RNF130: variants seen among roughly 807,000 people sequenced by gnomAD.
RNF130 encodes ring finger protein 130, also known as E3 ubiquitin-protein ligase RNF130.
In RNF130, 21 loss-of-function variants were observed where a neutral mutation model predicts 44.6. That is an observed-to-expected ratio of 0.47 (90% confidence interval 0.33 to 0.68). The LOEUF (loss-of-function observed/expected upper bound fraction) is 0.68, where lower values mean the gene tolerates loss of function less well. Among genes scored for constraint, RNF130 ranks in the 30% least tolerant of loss-of-function variants. RNF130 has a pLI of 0.02. For missense variants in RNF130, 479 were observed against 560.6 expected, an observed-to-expected ratio of 0.85 and a Z score of 1.47; for synonymous variants, 214 against 210.4, an observed-to-expected ratio of 1.02 and a Z score of -0.15.
chr5:179,959,811 C>T (rs1232987872), intron 8 of RNF130, among the ~76,000 whole-genome samples: 1 of 152,152 alleles, frequency 6.6e-6, no homozygotes, highest in Non-Finnish European at 1.5e-5. Flanking sequence ...TCCTGATCTC[C>T]GGTCATGCCA....
intron 1 of RNF130, among the ~76,000 whole-genome samples, chr5:180,045,112 G>A (rs148355889): frequency 1.4e-4 from 22 of 152,298 alleles, no homozygotes; most frequent in African/African-American, 5.1e-4. Flanking sequence ...AAGACGATAT[G>A]TAACAGAGCC....
At chr5:179,948,185 A>C (rs1412449117) in intron 7 of RNF130, among the ~76,000 whole-genome samples, 2 of 152,242 alleles carry the variant, frequency 1.3e-5, no homozygotes, top group African/African-American at 4.8e-5. Context: ...ACAGAAAACC[A>C]ACTATATCTT....
chr5:180,013,492 A>C (rs1223429484), intron 2 of RNF130, among the ~76,000 whole-genome samples, 181 bp from the exon 3 acceptor site: 1 of 152,212 alleles, frequency 6.6e-6, no homozygotes, highest in East Asian at 1.9e-4. Flanking sequence ...AGGAACATGT[A>C]ATTTGTTGTG....
In RNF130 at chr5:179,963,893, G is replaced by A. The variant is rs191956000; in HGVS notation, c.1151-329C>T. On this transcript the variant is annotated intron_variant, in intron 7 of 8. Coordinates refer to ENST00000521389, the MANE Select transcript of RNF130 (RefSeq NM_018434.6). ...CACAAGGACATAGATTTTTTTCATT[G>A]TTAATGTAAATGACAGTAAAGTAGA... 18 of 282,736 alleles carry A rather than the reference G, an allele frequency of 6.4e-5. No individual in the cohort carries two copies. In the East Asian group the frequency reaches 7.9e-4, roughly 12 times the overall value. The allele number at this position is 282,736 out of a possible 1,614,324, so 17.5% of individuals were successfully genotyped here.
intron 3 of RNF130, among the ~76,000 whole-genome samples, chr5:180,009,571 C>T (rs1188210969): frequency 6.6e-6 from 1 of 152,176 alleles, no homozygotes; most frequent in Admixed American, 6.5e-5. Context: ...GATGAAAACA[C>T]CAAGTGCTGT....
chr5:179,947,377 C>T (rs1762057577), intron 7 of RNF130, among the ~76,000 whole-genome samples: 1 of 152,194 alleles, frequency 6.6e-6, no homozygotes, highest in African/African-American at 2.4e-5. Flanking sequence ...TGTCCTAAAT[C>T]AAGCCCAGCA....
chr5:179,948,680 A>AAG (rs761069535), intron 7 of RNF130, among the ~76,000 whole-genome samples: 1 of 152,088 alleles, frequency 6.6e-6, no homozygotes, highest in Non-Finnish European at 1.5e-5. Flanking sequence ...GTCTCAAAAA[A>AAG]AGAGAGAGAG....
At chr5:180,019,244 C>T (rs1001753721) in intron 2 of RNF130, among the ~76,000 whole-genome samples, 2 of 151,896 alleles carry the variant, frequency 1.3e-5, no homozygotes, top group African/African-American at 4.8e-5. Flanking sequence ...ATTAGCCGGG[C>T]GTGGTGGCGG....
At chr5:180,060,873 T>C (rs1484498660) in intron 1 of RNF130, among the ~76,000 whole-genome samples, 1 of 151,832 alleles carries the variant, frequency 6.6e-6, no homozygotes, top group African/African-American at 2.4e-5. Context: ...ATCGAGACCA[T>C]CCTGGCTAAC....
At chr5:180,002,162 G>A (rs1763360275) in intron 3 of RNF130, among the ~76,000 whole-genome samples, 1 of 152,212 alleles carries the variant, frequency 6.6e-6, no homozygotes, top group South Asian at 2.1e-4. Flanking sequence ...TGGGAGGCGT[G>A]GCGCTGCTTC....
intron 7 of RNF130, among the ~76,000 whole-genome samples, chr5:179,932,479 C>G (rs1003684238): frequency 2.0e-5 from 3 of 151,138 alleles, no homozygotes; most frequent in Non-Finnish European, 4.4e-5. Context: ...AGGCTGGTCT[C>G]AAACTCCTGA....
intron 1 of RNF130, 77 bp from the exon 2 acceptor site, chr5:180,040,724 T>C: frequency 7.4e-7 from 1 of 1,352,126 alleles, no homozygotes; most frequent in Non-Finnish European, 1.0e-6. Flanking sequence ...AACTGCTTTC[T>C]GAATACCACA....
chr5:179,987,886 C>CTT (rs981931043), intron 3 of RNF130, among the ~76,000 whole-genome samples: 2 of 152,136 alleles, frequency 1.3e-5, no homozygotes, highest in African/African-American at 4.8e-5. Flanking sequence ...TGGGTTGAGG[C>CTT]TTTTTGTGTC....
chr5:179,976,074 C>T (rs1762710600), intron 5 of RNF130, among the ~76,000 whole-genome samples: 1 of 152,182 alleles, frequency 6.6e-6, no homozygotes, highest in Non-Finnish European at 1.5e-5. Flanking sequence ...GTGATCCCAG[C>T]ACTTCAGGAT....
chr5:180,013,001 C>T (rs534959901), intron 3 of RNF130, 60 bp downstream of exon 3: 105 of 1,549,172 alleles, frequency 6.8e-5, no homozygotes, highest in Middle Eastern at 1.7e-4. Flanking sequence ...TGCATGGTCA[C>T]GACAGATGAC....
chr5:179,998,886 T>TATATATATATATATATATATATA lies in RNF130; in HGVS notation c.693+14174_693+14175insTATATATATATATATATATATAT, dbSNP rs1389273465. On this transcript the variant is annotated intron_variant, in intron 3 of 8. Coordinates refer to ENST00000521389, the MANE Select transcript of RNF130 (RefSeq NM_018434.6). ...ATATATATATATATATATATATATGTTTTATATATCTGAGTGCTCCAGTGT... is the reference window on the plus strand; with the variant it reads ...ATATATATATATATATATATATATGTATATATATATATATATATATATATTTATATATCTGAGTGCTCCAGTGT... Among the ~76,000 whole-genome samples, 32 of 105,720 alleles carry TATATATATATATATATATATATA rather than the reference T, an allele frequency of 3.0e-4. 1 individual carries two copies. The highest frequency in any genetic ancestry group is 8.5e-4 in the Admixed American group (9 of 10,530). The allele number at this position is 105,720 out of a possible 152,430, so 69.4% of individuals were successfully genotyped here.
At chr5:180,070,390 T>C (rs1765222517) in intron 1 of RNF130, among the ~76,000 whole-genome samples, 1 of 152,222 alleles carries the variant, frequency 6.6e-6, no homozygotes, top group Non-Finnish European at 1.5e-5. Context: ...ATGTGATTAT[T>C]TTTCCCCAGC....
At chr5:179,976,218 C>T (rs1248423936) in intron 5 of RNF130, among the ~76,000 whole-genome samples, 1 of 152,180 alleles carries the variant, frequency 6.6e-6, no homozygotes, top group African/African-American at 2.4e-5. Flanking sequence ...AAAGTCAACA[C>T]TGAAGGGATG....
At chr5:179,967,833 G>A (rs1762485138) in intron 6 of RNF130, among the ~76,000 whole-genome samples, 1 of 152,180 alleles carries the variant, frequency 6.6e-6, no homozygotes, top group Non-Finnish European at 1.5e-5. Context: ...TCATCTCAAA[G>A]CCTTATTTAA....
Sources: gnomAD v4.1 joint callset for allele counts (sites outside exome capture counted in the v4.1 genomes callset) on GRCh38, gnomAD v4.1.1 for gene constraint, MANE v1.5 for transcripts, NCBI Gene and HGNC (gene_info 2026-07-23, HGNC 2026-07-21) for gene names.